The following MTREX variants were observed in gnomAD, a reference collection of about 807,000 sequenced individuals.
MTREX encodes exosome RNA helicase MTR4.
A neutral mutation model predicts 135.4 loss-of-function variants in MTREX; 76 were observed. That is an observed-to-expected ratio of 0.56 (90% CI 0.47 to 0.68). MTREX has a LOEUF of 0.68. MTREX is among the 30% of genes least tolerant of loss of function. MTREX has a pLI of 0.00. For synonymous variants in MTREX, 404 were observed against 401.6 expected, an observed-to-expected ratio of 1.01 and a Z score of -0.07; for missense variants, 920 against 1,262.1, an observed-to-expected ratio of 0.73 and a Z score of 4.11.
chr5:55,392,903 A>G (rs1383742112), intron 19 of MTREX, among the ~76,000 whole-genome samples: 1 of 152,162 alleles, frequency 6.6e-6, no homozygotes, highest in Admixed American at 6.5e-5. Context: ...GCTTCTTACT[A>G]TTTTTGACAA....
Position 55,322,343 on chromosome 5 carries a change from A to G in MTREX, c.151A>G (p.Lys51Glu). The G allele has an allele frequency of 6.2e-7, 1 of 1,602,184 alleles. No homozygotes were observed. The highest frequency in any genetic ancestry group is 8.5e-7 in the Non-Finnish European group (1 of 1,176,136). Reference sequence around the variant, plus strand: ...ACTTTTCAGGAAACGTTTTGATGGTAAATTACAATCAGAATCAACTAATAA... The same window carrying G: ...ACTTTTCAGGAAACGTTTTGATGGTGAATTACAATCAGAATCAACTAATAA... Reference protein sequence around the residue: ...ADKAGKRFDGKLQSESTNNGK... With the variant: ...ADKAGKRFDGELQSESTNNGK... The change falls in exon 2 of 27, where the codon AAA (lysine) becomes GAA (glutamate). Residue 51 changes from lysine to glutamate, a missense_variant. By Grantham distance (56) the Lys-to-Glu change is moderately conservative (BLOSUM62 1). Transcript: ENST00000230640.
chr5:55,310,017 A>G (rs1240129202), intron 1 of MTREX, among the ~76,000 whole-genome samples: 15 of 152,200 alleles, frequency 9.9e-5, no homozygotes, highest in African/African-American at 3.6e-4. Flanking sequence ...AATAGTTGCT[A>G]GAGTGTTTGA....
chr5:55,402,226 A>G (rs1750732618), intron 21 of MTREX, among the ~76,000 whole-genome samples: 1 of 152,214 alleles, frequency 6.6e-6, no homozygotes, highest in Admixed American at 6.5e-5. Flanking sequence ...CCCACCTTCA[A>G]GTGCTGCTAG....
intron 5 of MTREX, among the ~76,000 whole-genome samples, chr5:55,330,963 T>G (rs555251370): frequency 1.3e-5 from 2 of 152,282 alleles, no homozygotes; most frequent in East Asian, 3.9e-4. Context: ...TTGCAGTGTC[T>G]TAATCTGCTT....
chr5:55,388,229 T>G, intron 19 of MTREX, 127 bp downstream of exon 19: 1 of 733,108 alleles, frequency 1.4e-6, no homozygotes, highest in South Asian at 4.1e-5. Flanking sequence ...TTTCAAGGTA[T>G]TTTAAGGTAT....
chr5:55,393,422 C>T (rs1295634373), intron 19 of MTREX, among the ~76,000 whole-genome samples: 1 of 152,094 alleles, frequency 6.6e-6, no homozygotes, highest in African/African-American at 2.4e-5. Context: ...CTGTGTGTGC[C>T]ATGACTTGAT....
chr5:55,413,964 C>A (rs1189567017), intron 23 of MTREX, among the ~76,000 whole-genome samples: 1 of 152,110 alleles, frequency 6.6e-6, no homozygotes, highest in Non-Finnish European at 1.5e-5. Flanking sequence ...GTATTTTCCT[C>A]TGAAATGTAA....
chr5:55,325,085 A>G (rs1749351614), intron 3 of MTREX, among the ~76,000 whole-genome samples: 1 of 152,204 alleles, frequency 6.6e-6, no homozygotes, highest in Admixed American at 6.5e-5. Flanking sequence ...GAACTATAAC[A>G]CTATTTCCTT....
At chr5:55,389,566 C>T (rs1265131851) in intron 19 of MTREX, among the ~76,000 whole-genome samples, 1 of 152,226 alleles carries the variant, frequency 6.6e-6, no homozygotes, top group South Asian at 2.1e-4. Flanking sequence ...AATAAGGAAG[C>T]ATTTTGTGCT....
chr5:55,366,306 C>A (rs1209052677), intron 15 of MTREX, among the ~76,000 whole-genome samples: 2 of 152,076 alleles, frequency 1.3e-5, no homozygotes, highest in Non-Finnish European at 2.9e-5. Flanking sequence ...CTGGGTAATA[C>A]AATGAGACCT....
At chr5:55,417,780 A>T (rs1057322320) in intron 25 of MTREX, among the ~76,000 whole-genome samples, 4 of 152,224 alleles carry the variant, frequency 2.6e-5, no homozygotes, top group Admixed American at 6.5e-5. Flanking sequence ...TAACTGTTCA[A>T]TGCCTAATAA....
chr5:55,367,261 T>C (rs910420267), intron 16 of MTREX, among the ~76,000 whole-genome samples: 2 of 151,974 alleles, frequency 1.3e-5, no homozygotes, highest in Middle Eastern at 3.4e-3. Context: ...CCGAGACGGG[T>C]GGATCACGAG....
chr5:55,405,504 G>A lies in MTREX; in HGVS notation c.2561G>A (p.Arg854His), dbSNP rs200255625. ...CTACAAATGGATGAACTCAAATGTCGCAAACGTGTTTTAAGAAGGTTGGGA... is the reference window on the plus strand; with the variant it reads ...CTACAAATGGATGAACTCAAATGTCACAAACGTGTTTTAAGAAGGTTGGGA... ...TVLQMDELKCRKRVLRRLGFA... is the reference protein window; with the variant it reads ...TVLQMDELKCHKRVLRRLGFA... Residue 854 changes from arginine to histidine, a missense_variant, in exon 22 of 27, where the codon CGC (arginine) becomes CAC (histidine). Coordinates refer to ENST00000230640, the MANE Select transcript of MTREX (RefSeq NM_015360.5). The A allele has an allele frequency of 1.5e-5, 24 of 1,613,826 alleles. No individual in the cohort carries two copies. Among genetic ancestry groups the A allele is most frequent in the South Asian group, 8.8e-5 (8 of 91,060 alleles).
In MTREX at chr5:55,328,957, A is replaced by T. The variant is rs531783564; in HGVS notation, c.515+146A>T. ...TTTCATGTCTTATTGAACCTCTAATACAATGTTTACTTGAAGTAATAAAAG... is the reference window on the plus strand; with the variant it reads ...TTTCATGTCTTATTGAACCTCTAATTCAATGTTTACTTGAAGTAATAAAAG... On this transcript the variant is annotated intron_variant, in intron 5 of 26. Coordinates refer to ENST00000230640, the MANE Select transcript of MTREX (RefSeq NM_015360.5). The T allele has an allele frequency of 4.7e-4, 238 of 504,584 alleles. 1 individual carries two copies. In the East Asian group the frequency reaches 6.9e-3, roughly 15 times the overall value. The allele number at this position is 504,584 out of a possible 1,614,324, so 31.3% of individuals were successfully genotyped here.
At chr5:55,319,720 C>T (rs1749256488) in intron 1 of MTREX, among the ~76,000 whole-genome samples, 1 of 152,160 alleles carries the variant, frequency 6.6e-6, no homozygotes, top group Admixed American at 6.5e-5. Flanking sequence ...GCAAGTTCCA[C>T]ATGTGACGTA....
chr5:55,353,357 C>T, intron 14 of MTREX, 88 bp downstream of exon 14: 1 of 764,262 alleles, frequency 1.3e-6, no homozygotes, highest in Admixed American at 2.8e-5. Flanking sequence ...GATTTTAAGT[C>T]CCACCTACTT....
chr5:55,402,826 GTGTGTGTGTGTGTGTATGTGTATGTA>G (rs1750743194), intron 21 of MTREX, among the ~76,000 whole-genome samples: 1 of 93,528 alleles, frequency 1.1e-5, no homozygotes, highest in Non-Finnish European at 2.1e-5. Context: ...CATTATATGT[GTGTGTGTGTGTGTGTATGTGTATGTA>G]TGTGTGTGTG....
intron 19 of MTREX, among the ~76,000 whole-genome samples, chr5:55,396,266 G>T (rs1750644130): frequency 6.6e-6 from 1 of 152,128 alleles, no homozygotes; most frequent in Non-Finnish European, 1.5e-5. Flanking sequence ...ATCCTTGGCT[G>T]GACCCTGAAT....
chr5:55,413,908 T>C (rs1203801305), intron 23 of MTREX, among the ~76,000 whole-genome samples: 1 of 152,190 alleles, frequency 6.6e-6, no homozygotes, highest in African/African-American at 2.4e-5. Context: ...GTTCCATATG[T>C]AATCACAAAA....
Sources: gnomAD v4.1 joint callset for allele counts (sites outside exome capture counted in the v4.1 genomes callset) on GRCh38, gnomAD v4.1.1 for gene constraint, MANE v1.5 for transcripts, NCBI Gene and HGNC (gene_info 2026-07-23, HGNC 2026-07-21) for gene names.